GLRB: variants seen among roughly 807,000 people sequenced by gnomAD.
GLRB encodes glycine receptor subunit beta.
A neutral mutation model predicts 54.2 loss-of-function variants in GLRB; 33 were observed. The observed-to-expected ratio is 0.61, with a 90% CI of 0.46 to 0.81. The LOEUF is 0.81. Among genes scored for constraint, GLRB ranks in the 40% least tolerant of loss-of-function variants. GLRB has a pLI of 0.00. For synonymous variants in GLRB, 209 were observed against 208.2 expected (o/e 1.00, Z -0.03); for missense variants, 572 against 584.6 (o/e 0.98, Z 0.22).
intron 4 of GLRB, among the ~76,000 whole-genome samples, chr4:157,123,690 C>T (rs1336664316): frequency 6.6e-6 from 1 of 151,754 alleles, no homozygotes; most frequent in African/African-American, 2.4e-5. Flanking sequence ...TGTGGTTAAT[C>T]TGTCTATATA....
At chr4:157,099,897 A>G (rs1734954024) in intron 2 of GLRB, among the ~76,000 whole-genome samples, 1 of 152,060 alleles carries the variant, frequency 6.6e-6, no homozygotes, top group South Asian at 2.1e-4. Context: ...TTTAATTTGC[A>G]TTTCCTTGAT....
At chr4:157,103,141 C>G (rs1735096961) in intron 2 of GLRB, among the ~76,000 whole-genome samples, 1 of 147,784 alleles carries the variant, frequency 6.8e-6, no homozygotes, top group African/African-American at 2.5e-5. Context: ...AAGAGAGAGA[C>G]TCCGTCTCAA....
chr4:157,155,255 A>G (rs1737183247), intron 9 of GLRB, among the ~76,000 whole-genome samples: 1 of 152,140 alleles, frequency 6.6e-6, no homozygotes, highest in African/African-American at 2.4e-5. Context: ...AAGCCTCCCA[A>G]TTAGTTAGGA....
At chr4:157,113,599 C>T (rs1315409037) in intron 2 of GLRB, among the ~76,000 whole-genome samples, 1 of 151,890 alleles carries the variant, frequency 6.6e-6, no homozygotes, top group African/African-American at 2.4e-5. Context: ...GTTGCTTCTA[C>T]TTTATGCAAA....
chr4:157,100,664 A>T (rs1263696345), intron 2 of GLRB, among the ~76,000 whole-genome samples: 1 of 152,152 alleles, frequency 6.6e-6, no homozygotes, highest in Non-Finnish European at 1.5e-5. Flanking sequence ...ATTATTTCTA[A>T]TTTGTATTCA....
At chr4:157,158,908 A>C (rs1292515413) in intron 9 of GLRB, among the ~76,000 whole-genome samples, 1 of 152,202 alleles carries the variant, frequency 6.6e-6, no homozygotes, top group African/African-American at 2.4e-5. Context: ...TTGAATCTAT[A>C]AATTACTTTG....
At chr4:157,160,015 G>A (rs1392428858) in intron 9 of GLRB, among the ~76,000 whole-genome samples, 1 of 152,152 alleles carries the variant, frequency 6.6e-6, no homozygotes, top group Non-Finnish European at 1.5e-5. Flanking sequence ...TTCAGAATCT[G>A]CTATTGATCT....
intron 7 of GLRB, among the ~76,000 whole-genome samples, chr4:157,140,504 C>T (rs997782622): frequency 6.6e-6 from 1 of 151,852 alleles, no homozygotes; most frequent in Non-Finnish European, 1.5e-5. Flanking sequence ...AGAACACGTA[C>T]TTAGTAGATA....
rs147708093 is a variant in GLRB, at chr4:157,133,120, G to A, written c.298-3349G>A. On this transcript the variant is annotated intron_variant, in intron 4 of 9. Coordinates refer to ENST00000264428, the MANE Select transcript of GLRB (RefSeq NM_000824.5). ...ATCTTTACAACAATAGAAAAGGAATGCTGTCAATAGTAATGTATGCATATT... is the reference window on the plus strand; with the variant it reads ...ATCTTTACAACAATAGAAAAGGAATACTGTCAATAGTAATGTATGCATATT... Among the ~76,000 whole-genome samples, 21 of 151,968 alleles carry A rather than the reference G, an allele frequency of 1.4e-4. 1 individual carries two copies. The South Asian group carries it at 1.9e-3, about 14-fold the overall frequency.
intron 2 of GLRB, among the ~76,000 whole-genome samples, chr4:157,099,733 ATGTT>A (rs1560941242): frequency 6.6e-6 from 1 of 152,188 alleles, no homozygotes; most frequent in African/African-American, 2.4e-5. Context: ...CATAGGATAT[ATGTT>A]TGTTGAACTT....
intron 2 of GLRB, among the ~76,000 whole-genome samples, chr4:157,109,553 A>C (rs79908096): frequency 6.6e-5 from 10 of 151,882 alleles, no homozygotes; most frequent in Non-Finnish European, 1.3e-4. Context: ...GGGGATACCA[A>C]TTGTTTGTCC....
At chr4:157,163,130 C>T (rs1354044472) in intron 9 of GLRB, among the ~76,000 whole-genome samples, 11 of 152,164 alleles carry the variant, frequency 7.2e-5, no homozygotes, top group South Asian at 6.2e-4. Flanking sequence ...TGGGACCCTC[C>T]GAGCCACGCA....
At chr4:157,114,348 T>C (rs1030112369) in intron 2 of GLRB, among the ~76,000 whole-genome samples, 1 of 151,674 alleles carries the variant, frequency 6.6e-6, no homozygotes, top group African/African-American at 2.4e-5. Context: ...TTTCTTTTTT[T>C]TTTTTCAAAT....
Position 157,138,960 on chromosome 4 carries a change from T to C in GLRB, c.751+11T>C, listed in dbSNP as rs746886538. 39 of 1,298,746 alleles carry C rather than the reference T, an allele frequency of 3.0e-5. No homozygotes were observed. The Admixed American group carries it at 6.4e-4, about 21-fold the overall frequency. 80.5% of individuals were successfully genotyped at this position (1,298,746 alleles called of 1,614,324 possible). Reference sequence around the variant, plus strand: ...ACTATAAAGGCACGGGTAAGTAATATTCTTTAAATAAAACGAAGTTCTATT... The same window carrying C: ...ACTATAAAGGCACGGGTAAGTAATACTCTTTAAATAAAACGAAGTTCTATT... On this transcript the variant is annotated intron_variant, in intron 7 of 9. Coordinates refer to ENST00000264428, the MANE Select transcript of GLRB (RefSeq NM_000824.5).
intron 8 of GLRB, among the ~76,000 whole-genome samples, chr4:157,151,961 A>G (rs1189757136): frequency 6.6e-6 from 1 of 152,186 alleles, no homozygotes; most frequent in Admixed American, 6.6e-5. Context: ...GCTATAAAAT[A>G]TATTTCATCA....
Position 157,122,378 on chromosome 4 carries a change from C to A in GLRB, c.278C>A (p.Ser93Tyr). The A allele has an allele frequency of 7.7e-7, 1 of 1,292,338 alleles. No individual in the cohort carries two copies. Among genetic ancestry groups the A allele is most frequent in the Non-Finnish European group, 1.1e-6 (1 of 899,430 alleles). 80.1% of individuals were successfully genotyped at this position (1,292,338 alleles called of 1,614,324 possible). ...AACATTTTTATTAACAGTTTTGGATCCATTCAAGAAACAACAATGGTAAGA... is the reference window on the plus strand; with the variant it reads ...AACATTTTTATTAACAGTTTTGGATACATTCAAGAAACAACAATGGTAAGA... ...VVNIFINSFG[S>Y]IQETTMDYRV... Residue 93 changes from serine (S) to tyrosine (Y), a missense_variant, in exon 4 of 10, where the codon TCC becomes TAC. By Grantham distance (144) the Ser-to-Tyr change is moderately radical (BLOSUM62 -2). Coordinates refer to ENST00000264428, the MANE Select transcript of GLRB (RefSeq NM_000824.5).
At chr4:157,165,507 G>A (rs1478085486) in intron 9 of GLRB, among the ~76,000 whole-genome samples, 1 of 151,744 alleles carries the variant, frequency 6.6e-6, no homozygotes, top group East Asian at 1.9e-4. Context: ...TGCTTCCTAA[G>A]GAAATGAATG....
chr4:157,082,965 TA>T lies in GLRB; in HGVS notation c.122+4820del, dbSNP rs1402571420. On this transcript the variant is annotated intron_variant, in intron 2 of 9. Transcript: ENST00000264428. ...ATTATCAGACAAATGAATAGTGTTT[TA>T]TATATATATATATATATATATATAC... Among the ~76,000 whole-genome samples the T allele has an allele frequency of 7.2e-3, 380 of 52,908 alleles. 2 individuals are homozygous for T. The highest frequency in any genetic ancestry group is 0.042 in the African/African-American group (293 of 7,056). 34.7% of individuals were successfully genotyped at this position (52,908 alleles called of 152,430 possible).
intron 9 of GLRB, among the ~76,000 whole-genome samples, chr4:157,153,851 C>T (rs145926036): frequency 3.3e-5 from 5 of 152,268 alleles, no homozygotes; most frequent in East Asian, 1.9e-4. Flanking sequence ...TCTTACCTTC[C>T]GTGCTTTTCC....
Sources: gnomAD v4.1 joint callset for allele counts (sites outside exome capture counted in the v4.1 genomes callset) on GRCh38, gnomAD v4.1.1 for gene constraint, MANE v1.5 for transcripts, NCBI Gene and HGNC (gene_info 2026-07-23, HGNC 2026-07-21) for gene names.